The following AADACL2 variants were observed in gnomAD, a reference collection of about 807,000 sequenced individuals.
AADACL2 encodes arylacetamide deacetylase like 2.
Under a neutral mutation model 22.3 loss-of-function variants are expected in AADACL2, and 23 were observed. The observed-to-expected ratio is 1.03, with a 90% CI of 0.74 to 1.46. AADACL2 has a LOEUF of 1.46. Among genes scored for constraint, AADACL2 ranks in the 40% most tolerant of loss-of-function variants. The pLI is 0.00. For missense variants in AADACL2, 472 were observed against 482.9 expected (o/e 0.98, Z 0.21); for synonymous variants, 177 against 166.2 (o/e 1.07, Z -0.50).
intron 4 of AADACL2, among the ~76,000 whole-genome samples, chr3:151,746,223 A>T (rs1250826101): frequency 6.6e-6 from 1 of 152,022 alleles, no homozygotes; most frequent in Admixed American, 6.5e-5. Flanking sequence ...TATTTTCTGA[A>T]TGTTTATTTG....
rs1240873877 is a variant in AADACL2 at position 151,744,129 on chromosome 3, C to T, written c.398C>T (p.Ala133Val). 2 of 1,613,556 alleles carry T rather than the reference C, an allele frequency of 1.2e-6. No individual in the cohort carries two copies. The highest frequency in any genetic ancestry group is 2.7e-5 in the African/African-American group (2 of 74,852). Residue 133 changes from alanine to valine, a missense_variant, in exon 3 of 5, where the codon GCA becomes GTA. This residue lies in a region of AADACL2 where 356 missense variants were observed against 365.5 expected (regional missense o/e 0.97). Transcript: ENST00000356517. Reference protein sequence around the residue: ...RAFDFLNRWTANTLDAVVVGV... With the variant: ...RAFDFLNRWTVNTLDAVVVGV... ...TTTGACTTCCTGAATAGATGGACGGCAAACACGCTTGATGCTGTTGTTGTA... is the reference window on the plus strand; with the variant it reads ...TTTGACTTCCTGAATAGATGGACGGTAAACACGCTTGATGCTGTTGTTGTA...
chr3:151,757,611 T>G lies in AADACL2; in HGVS notation c.*17T>G. ...AATTTATAAATATGTGATGTGTATGTATAGCCCTTACATAGTGGATTGTAA... is the reference window on the plus strand; with the variant it reads ...AATTTATAAATATGTGATGTGTATGGATAGCCCTTACATAGTGGATTGTAA... On this transcript the variant is annotated 3_prime_UTR_variant, in exon 5 of 5. Coordinates refer to ENST00000356517, the MANE Select transcript of AADACL2 (RefSeq NM_207365.4). 6.3e-7 allele frequency: 1 copy of G among 1,579,178 alleles called. No individual in the cohort carries two copies. Among genetic ancestry groups the G allele is most frequent in the Non-Finnish European group, 8.6e-7 (1 of 1,161,894 alleles).
At chr3:151,736,120 T>C (rs953377244) in intron 1 of AADACL2, among the ~76,000 whole-genome samples, 7 of 151,934 alleles carry the variant, frequency 4.6e-5, no homozygotes, top group Non-Finnish European at 8.8e-5. Context: ...AAATGAACAA[T>C]GAAAAAAGAA....
At chr3:151,745,707 G>C (rs1479394000) in intron 4 of AADACL2, 27 bp downstream of exon 4, 2 of 1,541,896 alleles carry the variant, frequency 1.3e-6, no homozygotes, top group Admixed American at 2.2e-5. Flanking sequence ...TTTATGATAG[G>C]AGGCAGAAAT....
At chr3:151,748,341 G>T (rs186091210) in intron 4 of AADACL2, among the ~76,000 whole-genome samples, 4 of 152,130 alleles carry the variant, frequency 2.6e-5, no homozygotes, top group Admixed American at 2.0e-4. Context: ...GTGGATATAT[G>T]AGAATTCTCA....
Position 151,745,404 on chromosome 3 carries a change from T to C in AADACL2, c.432-105T>C, listed in dbSNP as rs1259617267. The C allele has an allele frequency of 2.5e-6, 3 of 1,194,740 alleles. No individual in the cohort carries two copies. In the African/African-American group the frequency reaches 4.8e-5, roughly 19 times the overall value. 74.0% of individuals were successfully genotyped at this position (1,194,740 alleles called of 1,614,324 possible). ...TAGTAGAAAACTTAGGCTTGATTTTTAGAAGACTGAACAATAAAGACTGGC... is the reference window on the plus strand; with the variant it reads ...TAGTAGAAAACTTAGGCTTGATTTTCAGAAGACTGAACAATAAAGACTGGC... On this transcript the variant is annotated intron_variant, in intron 3 of 4. Coordinates refer to ENST00000356517, the MANE Select transcript of AADACL2 (RefSeq NM_207365.4).
In AADACL2 at chr3:151,761,171, ATT is replaced by A. The variant is rs1414440667; in HGVS notation, c.*3579_*3580del. On this transcript the variant is annotated 3_prime_UTR_variant, in exon 5 of 5. Coordinates refer to ENST00000356517, the MANE Select transcript of AADACL2 (RefSeq NM_207365.4). ...TATATATATATATGGTGAGATATATATTTATATATATGGTGAGATATATACAT... is the reference window on the plus strand; with the variant it reads ...TATATATATATATGGTGAGATATATATATATATATGGTGAGATATATACAT... 2.6e-3 allele frequency: 257 copies of A among 97,718 alleles called. 1 individual carries two copies. The highest frequency in any genetic ancestry group is 6.4e-3 in the African/African-American group (160 of 24,972). 6.1% of individuals were successfully genotyped at this position (97,718 alleles called of 1,614,324 possible).
chr3:151,743,509 C>T (rs1458344940), intron 2 of AADACL2, among the ~76,000 whole-genome samples: 4 of 152,140 alleles, frequency 2.6e-5, no homozygotes, highest in Non-Finnish European at 4.4e-5. Context: ...CAAGTCTTCA[C>T]ACTGACCTGC....
chr3:151,752,086 T>C (rs1488535507), intron 4 of AADACL2, among the ~76,000 whole-genome samples: 1 of 152,168 alleles, frequency 6.6e-6, no homozygotes, highest in South Asian at 2.1e-4. Context: ...CATGGACTGC[T>C]AAACTTTCTA....
At position 151,745,594 on chromosome 3, in the gene AADACL2, C is replaced by T. The variant is rs908140625; in HGVS notation, c.517C>T (p.Leu173Phe). 1 of 1,613,508 alleles carries T rather than the reference C, an allele frequency of 6.2e-7. No individual in the cohort carries two copies. Among genetic ancestry groups the T allele is most frequent in the African/African-American group, 1.3e-5 (1 of 74,854 alleles). Residue 173 changes from leucine (L) to phenylalanine (F), a missense_variant, in exon 4 of 5, where the codon CTT (leucine) becomes TTT (phenylalanine). Leu to Phe is a conservative substitution (Grantham distance 22). Around this residue, in one of 3 missense-constraint regions of AADACL2, gnomAD observed 356 missense variants for 365.5 expected, o/e 0.97. Coordinates refer to ENST00000356517, the MANE Select transcript of AADACL2 (RefSeq NM_207365.4). ...AVKFFLLEKI[L>F]TKYGVDPTRI... The stretch of plus-strand genomic sequence containing the variant: ...CAAATTTTTTCTTTTGGAAAAAATT[C>T]TTACAAAATATGGAGTGGATCCCAC...
chr3:151,743,041 T>C, intron 2 of AADACL2, among the ~76,000 whole-genome samples: 1 of 152,150 alleles, frequency 6.6e-6, no homozygotes, highest in East Asian at 1.9e-4. Flanking sequence ...CATTTTCTTC[T>C]GAAGATCTCA....
At position 151,757,540 on chromosome 3, in the gene AADACL2, T is replaced by C; in HGVS notation, c.1152T>C (p.Arg384=). ...LSFMTSPFYL[R]LGLRIRDMYV... ...TCATGACTTCACCATTTTATTTACG[T>C]CTAGGTCTTAGGATAAGAGATATGT... Residue 384 remains arginine (R), a synonymous_variant, in exon 5 of 5, where the codon CGT becomes CGC. Coordinates refer to ENST00000356517, the MANE Select transcript of AADACL2 (RefSeq NM_207365.4). 1 of 1,613,324 alleles carries C rather than the reference T, an allele frequency of 6.2e-7. No individual in the cohort carries two copies. The highest frequency in any genetic ancestry group is 8.5e-7 in the Non-Finnish European group (1 of 1,179,484).
chr3:151,744,838 C>A (rs936906463), intron 3 of AADACL2, among the ~76,000 whole-genome samples: 1 of 152,050 alleles, frequency 6.6e-6, no homozygotes, highest in Non-Finnish European at 1.5e-5. Flanking sequence ...AGAAAAAGCT[C>A]TATGAATTGA....
intron 4 of AADACL2, among the ~76,000 whole-genome samples, chr3:151,755,959 C>G (rs1286587701): frequency 6.6e-6 from 1 of 152,094 alleles, no homozygotes; most frequent in Admixed American, 6.6e-5. Flanking sequence ...TCATTCTACA[C>G]TTATTAAACC....
chr3:151,742,625 C>G (rs892163393), intron 2 of AADACL2, among the ~76,000 whole-genome samples: 1 of 152,128 alleles, frequency 6.6e-6, no homozygotes. Flanking sequence ...ACACTAAGAG[C>G]TCAGTGTCCA....
At chr3:151,746,470 A>G (rs1713451579) in intron 4 of AADACL2, among the ~76,000 whole-genome samples, 1 of 143,878 alleles carries the variant, frequency 7.0e-6, no homozygotes. Flanking sequence ...TTCTTTTATT[A>G]TTGCACTGTC....
At chr3:151,742,235 T>C (rs989142906) in intron 2 of AADACL2, among the ~76,000 whole-genome samples, 1 of 152,016 alleles carries the variant, frequency 6.6e-6, no homozygotes, top group African/African-American at 2.4e-5. Flanking sequence ...TATATACTTT[T>C]GTGATCTTTG....
chr3:151,739,084 T>C (rs1484123562), intron 1 of AADACL2, among the ~76,000 whole-genome samples: 1 of 152,244 alleles, frequency 6.6e-6, no homozygotes, highest in African/African-American at 2.4e-5. Flanking sequence ...TTCTGGTCTT[T>C]GGAATTTTCA....
chr3:151,749,454 G>A (rs13070449), intron 4 of AADACL2, among the ~76,000 whole-genome samples: 61,793 of 151,846 alleles, frequency 0.41, 13,021 homozygotes, highest in East Asian at 0.51. Context: ...AGGGTTTTCT[G>A]TATCTAATAT....
Sources: allele counts gnomAD v4.1 joint callset (sites outside exome capture counted in the v4.1 genomes callset), GRCh38; gene constraint gnomAD v4.1.1; regional missense constraint gnomAD v4.1.1; transcripts MANE v1.5; gene names NCBI Gene and HGNC (gene_info 2026-07-23, HGNC 2026-07-21).